Variants in FRMD7 observed in about 807,000 individuals in gnomAD.
FRMD7 encodes the protein FERM domain-containing protein 7.
A neutral mutation model predicts 44.1 loss-of-function variants in FRMD7; 14 were observed. That is an observed-to-expected ratio of 0.32 (90% CI 0.21 to 0.50). The LOEUF is 0.50. Among genes scored for constraint, FRMD7 ranks in the 20% least tolerant of loss-of-function variants. The pLI is 0.99. For synonymous variants in FRMD7, 212 were observed against 187.4 expected, an observed-to-expected ratio of 1.13 and a Z score of -1.07; for missense variants, 501 against 522.3, an observed-to-expected ratio of 0.96 and a Z score of 0.40.
Position 132,085,727 on chromosome X carries a change from C to G in FRMD7, c.499G>C (p.Gly167Arg). 1 of 1,208,632 alleles carries G rather than the reference C, an allele frequency of 8.3e-7. No individual in the cohort carries two copies. Among genetic ancestry groups the G allele is most frequent in the Non-Finnish European group, 1.1e-6 (1 of 892,760 alleles). The change falls in exon 7 of 12, where the codon GGC becomes CGC. Residue 167 changes from glycine (G) to arginine (R), a missense_variant and splice_region_variant. This residue lies in a region of FRMD7 where 453 missense variants were observed against 452.7 expected (regional missense o/e 1.00). Coordinates refer to ENST00000298542, the MANE Select transcript of FRMD7 (RefSeq NM_194277.3). Reference protein sequence around the residue: ...KIMHFHQKHIGRSPAESDILL... With the variant: ...KIMHFHQKHIRRSPAESDILL... ...ATGTCAGATTCAGCTGGGCTCCTGC[C>G]ACTGAAAGGGGAAAGAATTTATGAG...
chrX:132,120,093 TG>T (rs1331628529), intron 1 of FRMD7, among the ~76,000 whole-genome samples: 1 of 111,921 alleles, frequency 8.9e-6, no homozygotes, highest in Non-Finnish European at 1.9e-5. Flanking sequence ...CATGCCCTTT[TG>T]ACCCCAAGAC....
chrX:132,097,442 G>T (rs1043265815), intron 3 of FRMD7, 98 bp from the exon 4 acceptor site: 1 of 566,554 alleles, frequency 1.8e-6, no homozygotes, highest in Non-Finnish European at 3.2e-6. Context: ...CACACACACC[G>T]CTCTCCTCTT....
chrX:132,109,673 G>A (rs1182930789), intron 1 of FRMD7, among the ~76,000 whole-genome samples: 1 of 111,450 alleles, frequency 9.0e-6, no homozygotes, highest in Non-Finnish European at 1.9e-5. Flanking sequence ...ATTTTGTGGA[G>A]GGATGTATGC....
rs772403008 is a variant in FRMD7 at position 132,079,019 on chromosome X, CT to C, written c.1051-54del. 2.6e-4 allele frequency: 274 copies of C among 1,044,064 alleles called. 1 individual carries two copies. The South Asian group carries it at 3.7e-3, about 14-fold the overall frequency. The allele number at this position is 1,044,064 out of a possible 1,213,427, so 86.0% of individuals were successfully genotyped here. A position where few individuals can be genotyped will look rare whatever the true frequency, so the allele number is the denominator to read the frequency against. On this transcript the variant is annotated intron_variant, in intron 11 of 11. Coordinates refer to ENST00000298542, the MANE Select transcript of FRMD7 (RefSeq NM_194277.3). The stretch of plus-strand genomic sequence containing the variant: ...GAAGGAAAAGGCCATTTGGTTAGGG[CT>C]GGGGGAGGGATCTAAATTAGCCTCA...
At chrX:132,105,269 T>A (rs1191953495) in intron 1 of FRMD7, among the ~76,000 whole-genome samples, 2 of 112,058 alleles carry the variant, frequency 1.8e-5, no homozygotes, top group African/African-American at 6.5e-5. Context: ...ATAAAATGTA[T>A]ACATTTTATG....
At chrX:132,083,520 G>T (rs751077282) in intron 8 of FRMD7, among the ~76,000 whole-genome samples, 102 of 111,324 alleles carry the variant, frequency 9.2e-4, no homozygotes, top group Non-Finnish European at 1.7e-3. Context: ...GGCTCTCCAT[G>T]AGCTTCACAC....
chrX:132,118,150 T>C (rs1456498713), intron 1 of FRMD7, among the ~76,000 whole-genome samples: 3 of 111,282 alleles, frequency 2.7e-5, no homozygotes, highest in Admixed American at 1.9e-4. Context: ...CAGCAAACCA[T>C]AGGGGAGAGA....
chrX:132,087,956 G>A (rs1447521046), intron 5 of FRMD7, among the ~76,000 whole-genome samples: 7 of 110,934 alleles, frequency 6.3e-5, no homozygotes, highest in African/African-American at 2.3e-4. Context: ...AAAATAACCC[G>A]CACATTATCT....
intron 1 of FRMD7, among the ~76,000 whole-genome samples, chrX:132,102,443 C>A (rs1194829331): frequency 1.1e-5 from 1 of 91,013 alleles, no homozygotes; most frequent in African/African-American, 4.6e-5. Flanking sequence ...GGGGTCAGTT[C>A]CCCTGGGGGG....
At chrX:132,118,654 A>T (rs1271273966) in intron 1 of FRMD7, among the ~76,000 whole-genome samples, 2 of 111,403 alleles carry the variant, frequency 1.8e-5, no homozygotes, top group Non-Finnish European at 3.8e-5. Context: ...TGGGCCAGAG[A>T]TTCTCTGGGG....
chrX:132,108,053 C>T (rs1487207591), intron 1 of FRMD7, among the ~76,000 whole-genome samples: 1 of 112,032 alleles, frequency 8.9e-6, no homozygotes, highest in Non-Finnish European at 1.9e-5. Flanking sequence ...GGGCCTAGTT[C>T]TGACTCCTCT....
At chrX:132,101,393 G>A (rs908856154) in intron 1 of FRMD7, among the ~76,000 whole-genome samples, 2 of 112,181 alleles carry the variant, frequency 1.8e-5, no homozygotes, top group African/African-American at 6.5e-5. Flanking sequence ...CCCCAGAGAA[G>A]GTTTCTTCAA....
intron 5 of FRMD7, 122 bp downstream of exon 5, chrX:132,093,920 C>G (rs1928253063): frequency 1.8e-6 from 1 of 540,628 alleles, no homozygotes; most frequent in Admixed American, 2.5e-5. Context: ...TCTATCTTAT[C>G]CAGGCTTTCT....
intron 4 of FRMD7, among the ~76,000 whole-genome samples, chrX:132,095,723 G>T (rs999673916): frequency 1.8e-5 from 2 of 112,339 alleles, no homozygotes; most frequent in Non-Finnish European, 3.8e-5. Flanking sequence ...CCTAGACAAG[G>T]CATCCTTGTA....
chrX:132,082,894 G>C (rs1231369997), intron 8 of FRMD7, among the ~76,000 whole-genome samples: 2 of 112,390 alleles, frequency 1.8e-5, no homozygotes. Flanking sequence ...CAGGAAACAG[G>C]AGGGAGGAGA....
At chrX:132,100,425 C>G (rs1168536563) in intron 2 of FRMD7, among the ~76,000 whole-genome samples, 187 bp downstream of exon 2, 1 of 112,457 alleles carries the variant, frequency 8.9e-6, no homozygotes, top group Non-Finnish European at 1.9e-5. Flanking sequence ...AGCCACCGCA[C>G]CTGGCCAAGG....
chrX:132,081,415 C>T (rs1397437359), intron 9 of FRMD7, among the ~76,000 whole-genome samples: 1 of 112,726 alleles, frequency 8.9e-6, no homozygotes, highest in Non-Finnish European at 1.9e-5. Context: ...TGATTTATCA[C>T]CTAAGTACAG....
At chrX:132,106,606 G>T (rs1249676717) in intron 1 of FRMD7, among the ~76,000 whole-genome samples, 1 of 111,792 alleles carries the variant, frequency 8.9e-6, no homozygotes, top group Non-Finnish European at 1.9e-5. Flanking sequence ...CAATAGCAAA[G>T]ACATGGAATC....
rs185931636 is a variant in FRMD7 at position 132,085,236 on chromosome X, A to G, written c.645+345T>C. Among the ~76,000 whole-genome samples the G allele has an allele frequency of 2.5e-3, 277 of 111,352 alleles. 4 individuals are homozygous for G. Among genetic ancestry groups the G allele is most frequent in the Admixed American group, 0.022 (225 of 10,429 alleles). On this transcript the variant is annotated intron_variant, in intron 7 of 11. Transcript: ENST00000298542. ...TCCCTTGGCTTTCCTGGTCGGTCCAACCAGCTTTGCTTTTTTGCTTATTTG... is the reference window on the plus strand; with the variant it reads ...TCCCTTGGCTTTCCTGGTCGGTCCAGCCAGCTTTGCTTTTTTGCTTATTTG...
Sources: gnomAD v4.1 joint callset for allele counts (sites outside exome capture counted in the v4.1 genomes callset) on GRCh38, gnomAD v4.1.1 for gene constraint, gnomAD v4.1.1 regional missense constraint, MANE v1.5 for transcripts, NCBI Gene and HGNC (gene_info 2026-07-23, HGNC 2026-07-21) for gene names.